Variants in RIMS2 observed in about 807,000 individuals in gnomAD.
The protein encoded by RIMS2 is regulating synaptic membrane exocytosis protein 2.
In RIMS2, 59 loss-of-function variants were observed where a neutral mutation model predicts 174.4. The observed-to-expected ratio is 0.34, with a 90% CI of 0.27 to 0.42. The LOEUF is 0.42. Among genes scored for constraint, RIMS2 ranks in the 10% least tolerant of loss-of-function variants. RIMS2 has a pLI of 1.00. For missense variants in RIMS2, 1,620 were observed against 1,666.3 expected, an observed-to-expected ratio of 0.97 and a Z score of 0.48; for synonymous variants, 606 against 572.5, an observed-to-expected ratio of 1.06 and a Z score of -0.84.
chr8:103,820,369 T>TA (rs1409135970), intron 3 of RIMS2, among the ~76,000 whole-genome samples: 4 of 151,680 alleles, frequency 2.6e-5, no homozygotes, highest in Admixed American at 6.6e-5. Context: ...ACATGCTTAG[T>TA]AAAAAAAAGA....
At chr8:103,849,174 A>T (rs1387811599) in intron 3 of RIMS2, among the ~76,000 whole-genome samples, 1 of 152,076 alleles carries the variant, frequency 6.6e-6, no homozygotes, top group Non-Finnish European at 1.5e-5. Flanking sequence ...ACTGTGTGGC[A>T]GGGACCACGG....
At chr8:104,200,958 G>A (rs993383589) in intron 19 of RIMS2, among the ~76,000 whole-genome samples, 1 of 152,072 alleles carries the variant, frequency 6.6e-6, no homozygotes. Flanking sequence ...TAAAACAAAG[G>A]TTGTTTTTGT....
chr8:103,755,802 G>A (rs1372416148), intron 2 of RIMS2, among the ~76,000 whole-genome samples: 1 of 152,048 alleles, frequency 6.6e-6, no homozygotes, highest in Admixed American at 6.5e-5. Flanking sequence ...TCTCTAAACT[G>A]ATTATTCTAT....
chr8:104,018,568 C>T (rs1004125772), intron 19 of RIMS2, among the ~76,000 whole-genome samples: 2 of 152,072 alleles, frequency 1.3e-5, no homozygotes, highest in South Asian at 2.1e-4. Context: ...ATACACCTAC[C>T]CTTTACCCAG....
chr8:103,869,228 T>G (rs2099098524), intron 3 of RIMS2, among the ~76,000 whole-genome samples: 1 of 148,042 alleles, frequency 6.8e-6, no homozygotes. Flanking sequence ...GGAATTTCGC[T>G]CCTGTCGCCC....
At chr8:104,185,812 A>T (rs1022483466) in intron 19 of RIMS2, among the ~76,000 whole-genome samples, 1 of 151,692 alleles carries the variant, frequency 6.6e-6, no homozygotes, top group Non-Finnish European at 1.5e-5. Flanking sequence ...ACTATGAAAA[A>T]CAGTATGAAG....
intron 19 of RIMS2, among the ~76,000 whole-genome samples, chr8:104,170,548 G>C (rs2441881): frequency 0.81 from 122,711 of 151,984 alleles, 50,022 homozygotes; most frequent in East Asian, 1. Flanking sequence ...TTATGAGAGT[G>C]CTTATGTGTT....
intron 3 of RIMS2, among the ~76,000 whole-genome samples, chr8:103,860,682 A>G (rs1315000145): frequency 6.6e-6 from 1 of 152,166 alleles, no homozygotes; most frequent in Non-Finnish European, 1.5e-5. Flanking sequence ...TTAAAAAAAA[A>G]AGTATGTGGG....
chr8:103,516,396 C>T (rs1828976148), intron 1 of RIMS2, among the ~76,000 whole-genome samples: 1 of 152,000 alleles, frequency 6.6e-6, no homozygotes, highest in African/African-American at 2.4e-5. Context: ...TCAAAAAAGT[C>T]TGCAGTCCCT....
At chr8:104,006,278 G>A (rs915113538) in intron 17 of RIMS2, among the ~76,000 whole-genome samples, 2 of 151,960 alleles carry the variant, frequency 1.3e-5, no homozygotes, top group African/African-American at 4.8e-5. Context: ...GGCTGGGCGC[G>A]GTAGCTCACG....
intron 3 of RIMS2, among the ~76,000 whole-genome samples, chr8:103,858,365 A>C (rs1240518662): frequency 1.3e-5 from 2 of 152,108 alleles, no homozygotes; most frequent in Non-Finnish European, 2.9e-5. Context: ...AATTGAGTGA[A>C]ACAATTTATA....
intron 1 of RIMS2, among the ~76,000 whole-genome samples, chr8:103,679,510 A>T (rs1000597839): frequency 3.9e-5 from 6 of 151,920 alleles, no homozygotes; most frequent in Non-Finnish European, 8.8e-5. Flanking sequence ...GAATATGAAA[A>T]CACACTTATA....
intron 9 of RIMS2, among the ~76,000 whole-genome samples, chr8:103,919,246 G>A (rs758557202): frequency 6.6e-6 from 1 of 152,262 alleles, no homozygotes; most frequent in African/African-American, 2.4e-5. Context: ...TGGAGTGGCT[G>A]CCTGGGGGGA....
chr8:104,233,704 T>C (rs1250631556), intron 19 of RIMS2, among the ~76,000 whole-genome samples: 1 of 152,218 alleles, frequency 6.6e-6, no homozygotes, highest in African/African-American at 2.4e-5. Flanking sequence ...CAACAGAATT[T>C]TGTAAGGTAA....
intron 19 of RIMS2, among the ~76,000 whole-genome samples, chr8:104,114,844 A>T (rs2098254194): frequency 6.6e-6 from 1 of 152,034 alleles, no homozygotes; most frequent in African/African-American, 2.4e-5. Context: ...ACATTAATGT[A>T]TAAGCTTTAA....
intron 17 of RIMS2, among the ~76,000 whole-genome samples, chr8:103,999,338 G>A (rs1453453209): frequency 2.6e-5 from 4 of 151,648 alleles, no homozygotes; most frequent in African/African-American, 4.8e-5. Context: ...ATGTCTTTCA[G>A]CAAATATGAT....
At position 104,153,640 on chromosome 8, in the gene RIMS2, G is replaced by A. The variant is rs7833938; in HGVS notation, c.3335-91276G>A. On this transcript the variant is annotated intron_variant, in intron 19 of 23. Coordinates refer to ENST00000504942, the Ensembl canonical transcript of RIMS2. ...AGGATGTAATTTAGGAGTAATCCGC[G>A]GGTAGCATTTGAAGCCATAGAACTG... Among the ~76,000 whole-genome samples the A allele has an allele frequency of 2.3e-3, 354 of 152,160 alleles. 2 individuals carry two copies. Among genetic ancestry groups the A allele is most frequent in the African/African-American group, 7.6e-3 (317 of 41,512 alleles).
At chr8:103,968,566 T>C (rs929292853) in intron 15 of RIMS2, among the ~76,000 whole-genome samples, 2 of 152,048 alleles carry the variant, frequency 1.3e-5, no homozygotes, top group Non-Finnish European at 2.9e-5. Flanking sequence ...TTGCAATTCA[T>C]GCAAGTCTGC....
intron 19 of RIMS2, among the ~76,000 whole-genome samples, chr8:104,027,201 A>G (rs997121266): frequency 2.0e-5 from 3 of 152,178 alleles, no homozygotes; most frequent in African/African-American, 7.2e-5. Flanking sequence ...ACTAAAGCAG[A>G]GGTTGGAATA....
Sources: allele counts gnomAD v4.1 joint callset (sites outside exome capture counted in the v4.1 genomes callset), GRCh38; gene constraint gnomAD v4.1.1; transcripts MANE v1.5; gene names NCBI Gene and HGNC (gene_info 2026-07-23, HGNC 2026-07-21).